VWA8: variants seen among roughly 807,000 people sequenced by gnomAD.
VWA8 encodes von Willebrand factor A domain-containing protein 8.
Under a neutral mutation model 241.5 loss-of-function variants are expected in VWA8, and 221 were observed. The ratio of observed to expected loss-of-function variants is 0.91; its 90% CI spans 0.82 to 1.02. The LOEUF is 1.02. VWA8 is among the 50% of genes least tolerant of loss of function. The pLI is 0.00. For synonymous variants in VWA8, 852 were observed against 827.1 expected (o/e 1.03, Z -0.52); for missense variants, 2,322 against 2,328.7 (o/e 1.00, Z 0.06).
chr13:41,805,967 T>G (rs546244184), intron 17 of VWA8, among the ~76,000 whole-genome samples: 1 of 148,230 alleles, frequency 6.7e-6, no homozygotes, highest in African/African-American at 2.5e-5. Context: ...GACCATATAT[T>G]AGGCCACAAA....
intron 2 of VWA8, among the ~76,000 whole-genome samples, chr13:41,932,357 T>C (rs1877164910): frequency 6.6e-6 from 1 of 152,106 alleles, no homozygotes. Context: ...CAAGATGGCT[T>C]CACTGATGAA....
At chr13:41,708,323 T>A (rs768619064) in intron 26 of VWA8, among the ~76,000 whole-genome samples, 38 of 151,774 alleles carry the variant, frequency 2.5e-4, no homozygotes, top group Non-Finnish European at 4.0e-4. Flanking sequence ...ATCGCGCCAC[T>A]GCACTCCAGC....
chr13:41,762,449 C>A (rs2045747670), intron 20 of VWA8, among the ~76,000 whole-genome samples: 1 of 152,026 alleles, frequency 6.6e-6, no homozygotes, highest in Admixed American at 6.6e-5. Flanking sequence ...CTAGTGAAAC[C>A]AGGACTCACA....
chr13:41,598,171 G>A (rs2044500145), intron 40 of VWA8, among the ~76,000 whole-genome samples: 1 of 152,016 alleles, frequency 6.6e-6, no homozygotes, highest in Admixed American at 6.6e-5. Flanking sequence ...AAGCATGATT[G>A]AACTTATATT....
chr13:41,836,955 T>C (rs563019396), intron 12 of VWA8, among the ~76,000 whole-genome samples: 1 of 152,160 alleles, frequency 6.6e-6, no homozygotes, highest in African/African-American at 2.4e-5. Flanking sequence ...CTCAGTTAAA[T>C]TTTATCACCT....
intron 21 of VWA8, among the ~76,000 whole-genome samples, chr13:41,747,835 TTCTGCATC>T: frequency 6.6e-6 from 1 of 152,366 alleles, no homozygotes; most frequent in African/African-American, 2.4e-5. Context: ...CAAAGGCCTT[TTCTGCATC>T]TATTGAGATA....
At chr13:41,941,504 G>A (rs1327630084) in intron 2 of VWA8, among the ~76,000 whole-genome samples, 4 of 152,054 alleles carry the variant, frequency 2.6e-5, no homozygotes, top group Non-Finnish European at 5.9e-5. Flanking sequence ...AAAAGCCTAC[G>A]GCCATTTGTA....
intron 26 of VWA8, among the ~76,000 whole-genome samples, chr13:41,716,708 A>G (rs1014595090): frequency 2.0e-5 from 3 of 151,982 alleles, no homozygotes; most frequent in Admixed American, 6.6e-5. Flanking sequence ...CTGCGGTTGG[A>G]TTAGAGAACA....
chr13:41,848,983 A>C (rs1415992155), intron 12 of VWA8, among the ~76,000 whole-genome samples: 1 of 152,230 alleles, frequency 6.6e-6, no homozygotes, highest in African/African-American at 2.4e-5. Context: ...AGCTTCTACC[A>C]ACTCAAATCC....
intron 22 of VWA8, among the ~76,000 whole-genome samples, chr13:41,730,025 G>A (rs901580987): frequency 4.6e-5 from 7 of 152,062 alleles, no homozygotes; most frequent in African/African-American, 1.7e-4. Context: ...ATAACAAATA[G>A]AGAAAGTGCC....
intron 2 of VWA8, among the ~76,000 whole-genome samples, chr13:41,913,085 A>G (rs1278813079): frequency 6.6e-6 from 1 of 152,160 alleles, no homozygotes; most frequent in Non-Finnish European, 1.5e-5. Context: ...AAAGACCCCC[A>G]CTTCCAATGA....
At chr13:41,737,807 T>C (rs1288461499) in intron 21 of VWA8, among the ~76,000 whole-genome samples, 2 of 152,128 alleles carry the variant, frequency 1.3e-5, no homozygotes, top group Non-Finnish European at 2.9e-5. Flanking sequence ...TTTTGGACTA[T>C]ACATTTTTTT....
chr13:41,829,555 A>ACATG (rs1871331151), intron 14 of VWA8, among the ~76,000 whole-genome samples: 1 of 144,824 alleles, frequency 6.9e-6, no homozygotes, highest in African/African-American at 2.5e-5. Context: ...ACACACACAC[A>ACATG]CACACACACA....
chr13:41,764,259 CTT>C (rs2045763431), intron 20 of VWA8, among the ~76,000 whole-genome samples: 1 of 152,076 alleles, frequency 6.6e-6, no homozygotes, highest in Admixed American at 6.6e-5. Flanking sequence ...ACCTGCAAAA[CTT>C]TTAGTTTTAT....
intron 41 of VWA8, 39 bp from the exon 42 acceptor site, chr13:41,587,709 G>A (rs780813104): frequency 8.1e-6 from 13 of 1,608,412 alleles, no homozygotes; most frequent in Admixed American, 1.7e-5. Context: ...TTGTGAACTG[G>A]CAAACTTCCC....
intron 29 of VWA8, among the ~76,000 whole-genome samples, chr13:41,697,545 G>C (rs2045223072): frequency 6.6e-6 from 1 of 151,998 alleles, no homozygotes; most frequent in African/African-American, 2.4e-5. Flanking sequence ...GGTGTGAGAT[G>C]GTTTCAGGAT....
chr13:41,936,245 C>T (rs2138146470), intron 2 of VWA8, among the ~76,000 whole-genome samples: 1 of 152,202 alleles, frequency 6.6e-6, no homozygotes, highest in South Asian at 2.1e-4. Flanking sequence ...TGAAAGTTTG[C>T]TATCTTGCTA....
At chr13:41,863,455 T>TATATATATTCACA (rs1566485517) in intron 12 of VWA8, among the ~76,000 whole-genome samples, 1 of 87,152 alleles carries the variant, frequency 1.1e-5, no homozygotes, top group African/African-American at 4.3e-5. Context: ...ATATATATAT[T>TATATATATTCACA]CACACACACA....
At chr13:41,622,676 G>A (rs1455971864) in intron 37 of VWA8, among the ~76,000 whole-genome samples, 2 of 152,186 alleles carry the variant, frequency 1.3e-5, no homozygotes, top group African/African-American at 4.8e-5. Context: ...CATGGATCTT[G>A]TAAATTACAA....
Sources: allele counts gnomAD v4.1 joint callset (sites outside exome capture counted in the v4.1 genomes callset), GRCh38; gene constraint gnomAD v4.1.1; transcripts MANE v1.5; gene names NCBI Gene and HGNC (gene_info 2026-07-23, HGNC 2026-07-21).